The following TMC6 variants were observed in gnomAD, a reference collection of about 807,000 sequenced individuals.
TMC6 encodes transmembrane channel-like protein 6.
In TMC6, 71 loss-of-function variants were observed where a neutral mutation model predicts 95.4. That is an observed-to-expected ratio of 0.74 (90% CI 0.61 to 0.91). The LOEUF (loss-of-function observed/expected upper bound fraction) is 0.91, where lower values mean the gene tolerates loss of function less well. TMC6 is among the 40% of genes least tolerant of loss of function. The pLI, the probability that TMC6 is intolerant of heterozygous loss-of-function variation, is 0.00. For missense variants in TMC6, 1,074 were observed against 1,079.1 expected (o/e 1.00, Z 0.07); for synonymous variants, 514 against 483.1 (o/e 1.06, Z -0.84).
intron 1 of TMC6, chr17:78,127,112 G>A (rs1202651968): frequency 3.5e-6 from 2 of 577,236 alleles, no homozygotes; most frequent in Non-Finnish European, 6.2e-6. Context: ...AGTGTCAGGG[G>A]AGGGGAGAGA....
intron 18 of TMC6, among the ~76,000 whole-genome samples, chr17:78,114,695 A>G (rs1031878654): frequency 1.3e-5 from 2 of 151,988 alleles, no homozygotes; most frequent in African/African-American, 4.8e-5. Context: ...AGGACCACTT[A>G]GAATACCTTC....
chr17:78,120,712 G>C lies in TMC6; in HGVS notation c.1656C>G (p.Phe552Leu), dbSNP rs750398210. The C allele has an allele frequency of 6.2e-7, 1 of 1,614,004 alleles. No homozygotes were observed. Among genetic ancestry groups the C allele is most frequent in the Non-Finnish European group, 8.5e-7 (1 of 1,180,036 alleles). The change falls in exon 13 of 20, where the codon TTC becomes TTG. Residue 552 changes from phenylalanine to leucine, a missense_variant. Phe to Leu is a conservative substitution (Grantham distance 22). Coordinates refer to ENST00000590602, the MANE Select transcript of TMC6 (RefSeq NM_001127198.5). ...EDFVGQELYR[F>L]LVMDFVLMLL... ...ACATGAGGACGAAGTCCATCACCAG[G>C]AACCGGTACAGCTCCTGGCCCACAA...
chr17:78,132,175 C>A, upstream of TMC6: 1 of 1,415,898 alleles, frequency 7.1e-7, no homozygotes, highest in Non-Finnish European at 9.6e-7. Flanking sequence ...CCCTTCCGCC[C>A]GCAGGCACCG....
At chr17:78,127,395 G>A (rs1306164747) in intron 1 of TMC6, among the ~76,000 whole-genome samples, 2 of 152,200 alleles carry the variant, frequency 1.3e-5, no homozygotes, top group Admixed American at 1.3e-4. Context: ...GGCGGAAGCA[G>A]CACAGGGGGC....
At chr17:78,131,993 C>T, upstream of TMC6, 1 of 1,530,864 alleles carries the variant, frequency 6.5e-7, no homozygotes, top group Non-Finnish European at 8.7e-7. Flanking sequence ...TGGCCCGGGG[C>T]CTTGGGCTCT....
Position 78,124,002 on chromosome 17 carries a change from T to G in TMC6, c.1069A>C (p.Thr357Pro). The change falls in exon 9 of 20, where the codon ACC becomes CCC. Residue 357 changes from threonine to proline, a missense_variant. Transcript: ENST00000590602. ...TGGAGGCATTACCTGTACACCAGGG[T>G]GATGCAGGTGATAAAGAAGCTCACG... ...VGVSFFITCI[T>P]LVYSMAHSFG... is the part of the protein sequence containing the mutation. The G allele has an allele frequency of 6.2e-7, 1 of 1,613,576 alleles. No homozygotes were observed. The highest frequency in any genetic ancestry group is 1.1e-5 in the South Asian group (1 of 91,078).
chr17:78,128,943 ATTC>A (rs2074886343), upstream of TMC6, among the ~76,000 whole-genome samples: 2 of 151,732 alleles, frequency 1.3e-5, no homozygotes, highest in Admixed American at 6.6e-5. This position sits in a 1 kb window ranked among gnomAD's most constrained non-coding sequence, Gnocchi z 4.0. Context: ...GCTGGGCTGG[ATTC>A]ATTCCAGCCC....
In TMC6 at chr17:78,125,749, T is replaced by C. The variant is rs2074677373; in HGVS notation, c.407A>G (p.Asp136Gly). 2 of 1,568,572 alleles carry C rather than the reference T, an allele frequency of 1.3e-6. No homozygotes were observed. The highest frequency in any genetic ancestry group is 4.8e-5 in the East Asian group (2 of 41,882). The change falls in exon 5 of 20, where the codon GAC (aspartate) becomes GGC (glycine). Residue 136 changes from aspartate to glycine, a missense_variant. Asp to Gly is a moderately conservative substitution (Grantham distance 94). Transcript: ENST00000590602. ...ACCCTCCTCCTCCAGGGCCGTGGGG[T>C]CCAGCTCCAGGTCGTACAGGCGGAG... Reference protein sequence around the residue: ...PSLRLYDLELDPTALEEEEKQ... With the variant: ...PSLRLYDLELGPTALEEEEKQ...
At chr17:78,131,836 G>A (rs940301682), upstream of TMC6, 1 of 1,484,808 alleles carries the variant, frequency 6.7e-7, no homozygotes, top group Non-Finnish European at 8.9e-7. Flanking sequence ...GCCCGGGTGG[G>A]CAGGGCGGGT....
At chr17:78,113,904 C>T in intron 18 of TMC6, 1 of 467,040 alleles carries the variant, frequency 2.1e-6, no homozygotes, top group East Asian at 4.3e-5. Context: ...TTAAAACCAG[C>T]CCTGCCACGT....
chr17:78,117,702 C>T, intron 16 of TMC6, 58 bp from the exon 17 acceptor site: 1 of 1,555,636 alleles, frequency 6.4e-7, no homozygotes, highest in Non-Finnish European at 8.7e-7. Context: ...CCGGCTCCCT[C>T]CCAGCCCGTC....
rs1279048001 is a variant in TMC6, at chr17:78,121,421, C to T, written c.1383+135G>A. The T allele has an allele frequency of 5.1e-5, 75 of 1,476,272 alleles. No homozygotes were observed. Among genetic ancestry groups the T allele is most frequent in the Non-Finnish European group, 2.2e-5 (24 of 1,081,852 alleles). 91.4% of individuals were successfully genotyped at this position (1,476,272 alleles called of 1,614,324 possible). On this transcript the variant is annotated intron_variant, in intron 11 of 19. Coordinates refer to ENST00000590602, the MANE Select transcript of TMC6 (RefSeq NM_001127198.5). This position sits in a 1 kb window ranked among gnomAD's most constrained non-coding sequence, Gnocchi z 5.6. ...GTGGGGCTCGGAGGGGGCCCCAGCA[C>T]GGGGCACAGCGTACGTGGCACCCTG...
Position 78,122,742 on chromosome 17 carries a change from G to A in TMC6, c.1090C>T (p.His364Tyr), listed in dbSNP as rs2074479847. ...TCITLVYSMA[H>Y]SFGESYRVGS... ...ACCCGGTAGCTCTCCCCGAAAGAGT[G>A]AGCCATGCTGGGGAGAAGCAGACAC... is the stretch of plus-strand genomic sequence containing the variant. The change falls in exon 10 of 20, where the codon CAC becomes TAC. Residue 364 changes from histidine (H) to tyrosine (Y), a missense_variant. Coordinates refer to ENST00000590602, the MANE Select transcript of TMC6 (RefSeq NM_001127198.5). The surrounding 1 kb of genome is among the most constrained non-coding windows in gnomAD (Gnocchi z 4.9). 5 of 1,610,118 alleles carry A rather than the reference G, an allele frequency of 3.1e-6. No homozygotes were observed. The highest frequency in any genetic ancestry group is 2.7e-5 in the African/African-American group (2 of 74,864).
intron 18 of TMC6, 66 bp downstream of exon 18, chr17:78,117,202 AG>A: frequency 6.5e-7 from 1 of 1,545,470 alleles, no homozygotes; most frequent in Non-Finnish European, 8.9e-7. Flanking sequence ...AGGGGAGTGG[AG>A]GGGAGCGTCA....
In TMC6 at chr17:78,121,985, A is replaced by G. The variant is rs2074437155; in HGVS notation, c.1228-274T>C. On this transcript the variant is annotated intron_variant, in intron 10 of 19. Coordinates refer to ENST00000590602, the MANE Select transcript of TMC6 (RefSeq NM_001127198.5). The surrounding 1 kb of genome is among the most constrained non-coding windows in gnomAD (Gnocchi z 5.6). ...TCAACCCCTCTCCACCCACCTCCCC[A>G]GCCCTGCCCGCTGGGGCAGGGGCCT... Among the ~76,000 whole-genome samples the G allele has an allele frequency of 1.3e-5, 2 of 151,802 alleles. No individual in the cohort carries two copies. The highest frequency in any genetic ancestry group is 1.3e-4 in the Admixed American group (2 of 15,272).
rs1184526023 is a variant in TMC6, at chr17:78,117,744, C to A, written c.2021+58G>T. ...ACCCCTAAGCCTTGGGCCCCCCAGG[C>A]ACCACCACCCAACCCCCAGATGACA... On this transcript the variant is annotated intron_variant, in intron 16 of 19. Coordinates refer to ENST00000590602, the MANE Select transcript of TMC6 (RefSeq NM_001127198.5). 3 of 1,580,102 alleles carry A rather than the reference C, an allele frequency of 1.9e-6. No individual in the cohort carries two copies. In the Admixed American group the frequency reaches 5.4e-5, roughly 28 times the overall value.
At chr17:78,114,644 C>T (rs4789537) in intron 18 of TMC6, among the ~76,000 whole-genome samples, 14 of 151,100 alleles carry the variant, frequency 9.3e-5, no homozygotes, top group South Asian at 2.1e-4. Flanking sequence ...AAGAGCCACA[C>T]GGATTGGCTC....
rs1410516074 is a variant in TMC6, at chr17:78,122,772, AT to A, written c.1083-24del. On this transcript the variant is annotated intron_variant, in intron 9 of 19. Transcript: ENST00000590602. This position sits in a 1 kb window ranked among gnomAD's most constrained non-coding sequence, Gnocchi z 4.9. ...ATGCTGGGGAGAAGCAGACACAGAC[AT>A]GGCAACCAACAAGCTGACGGGCAGA... The A allele has an allele frequency of 1.9e-6, 3 of 1,605,480 alleles. No individual in the cohort carries two copies. Among genetic ancestry groups the A allele is most frequent in the Non-Finnish European group, 2.5e-6 (3 of 1,177,622 alleles).
In TMC6 at chr17:78,122,142, G is replaced by C. The variant is rs2074445247; in HGVS notation, c.1228-431C>G. ...AAGCACAGAACCCCAGAAAGGCAGA[G>C]AATGTTCCACGAGGCCCGGCTCTGC... On this transcript the variant is annotated intron_variant, in intron 10 of 19. Coordinates refer to ENST00000590602, the MANE Select transcript of TMC6 (RefSeq NM_001127198.5). This position sits in a 1 kb window ranked among gnomAD's most constrained non-coding sequence, Gnocchi z 4.9. Among the ~76,000 whole-genome samples the C allele has an allele frequency of 1.3e-5, 2 of 152,196 alleles. No individual in the cohort carries two copies. Among genetic ancestry groups the C allele is most frequent in the South Asian group, 2.1e-4 (1 of 4,834 alleles).
Sources: gnomAD v4.1 joint callset for allele counts (sites outside exome capture counted in the v4.1 genomes callset) on GRCh38, gnomAD v4.1.1 for gene constraint, Gnocchi (gnomAD v3.1) non-coding constraint, MANE v1.5 for transcripts, NCBI Gene and HGNC (gene_info 2026-07-23, HGNC 2026-07-21) for gene names.